FADS3: variants seen among roughly 807,000 people sequenced by gnomAD.
FADS3 encodes the protein cytochrome b5-related protein.
FADS3 carries 30 observed loss-of-function variants against 60.4 expected under a neutral mutation model. The ratio of observed to expected loss-of-function variants is 0.50; its 90% CI spans 0.37 to 0.67. The LOEUF (loss-of-function observed/expected upper bound fraction) is 0.67. Ranked by LOEUF, FADS3 falls within the 30% of genes least tolerant of loss-of-function variation. FADS3 has a pLI of 0.00. For synonymous variants in FADS3, 234 were observed against 249.3 expected (o/e 0.94, Z 0.58); for missense variants, 432 against 598.3 (o/e 0.72, Z 2.90).
intron 1 of FADS3, among the ~76,000 whole-genome samples, chr11:61,889,151 C>T (rs1938410038): frequency 6.6e-6 from 1 of 152,000 alleles, no homozygotes; most frequent in Admixed American, 6.5e-5. Context: ...CCCACCTCAG[C>T]CTCCCAAAGT....
At chr11:61,878,924 C>T in intron 3 of FADS3, 77 bp from the exon 4 acceptor site, 1 of 1,210,612 alleles carries the variant, frequency 8.3e-7, no homozygotes, top group South Asian at 1.3e-5. Flanking sequence ...TGAATCCTTT[C>T]AGCTTGCAGG....
Position 61,877,108 on chromosome 11 carries a change from T to G in FADS3, c.886-145A>C. On this transcript the variant is annotated intron_variant, in intron 7 of 11. Coordinates refer to ENST00000278829, the MANE Select transcript of FADS3 (RefSeq NM_021727.5). This position sits in a 1 kb window ranked among gnomAD's most constrained non-coding sequence, Gnocchi z 4.7. ...CAGGACAGGCCACCACCCTCTCTGG[T>G]TTTCTCAGCTGAGTAAAGGAACAGG... 4 of 593,650 alleles carry G rather than the reference T, an allele frequency of 6.7e-6. No homozygotes were observed. The highest frequency in any genetic ancestry group is 1.2e-5 in the Non-Finnish European group (4 of 337,374). 36.8% of individuals were successfully genotyped at this position (593,650 alleles called of 1,614,324 possible).
chr11:61,889,223 T>C (rs1938412527), intron 1 of FADS3, among the ~76,000 whole-genome samples: 1 of 152,172 alleles, frequency 6.6e-6, no homozygotes, highest in South Asian at 2.1e-4. Flanking sequence ...CAGATATTAT[T>C]GGCTGCGAAT....
chr11:61,886,464 C>T (rs1938321970), intron 1 of FADS3: 1 of 152,282 alleles, frequency 6.6e-6, no homozygotes, highest in African/African-American at 2.4e-5. Context: ...AGAGCAGTCA[C>T]ACTTCATGGG....
chr11:61,886,298 C>G (rs1039224061), intron 1 of FADS3: 8 of 152,202 alleles, frequency 5.3e-5, no homozygotes, highest in African/African-American at 1.7e-4. Flanking sequence ...ATCAGAAACC[C>G]GCAGGAAGAG....
Position 61,877,823 on chromosome 11 carries a change from C to T in FADS3, c.809-236G>A. The T allele has an allele frequency of 1.7e-6, 1 of 597,512 alleles. No individual in the cohort carries two copies. The highest frequency in any genetic ancestry group is 2.0e-5 in the South Asian group (1 of 50,440). 37.0% of individuals were successfully genotyped at this position (597,512 alleles called of 1,614,324 possible). A position where few individuals can be genotyped will look rare whatever the true frequency, so the allele number is the denominator to read the frequency against. Reference sequence around the variant, plus strand: ...AGTCAGGGCCAGACTTGAGTCCTCACTCTGTCCGCCCCAACAACTGCCCAA... The same window carrying T: ...AGTCAGGGCCAGACTTGAGTCCTCATTCTGTCCGCCCCAACAACTGCCCAA... On this transcript the variant is annotated intron_variant, in intron 6 of 11. Transcript: ENST00000278829. The surrounding 1 kb of genome is among the most constrained non-coding windows in gnomAD (Gnocchi z 4.7).
chr11:61,891,313 GA>G lies in FADS3; in HGVS notation c.68del (p.Phe23SerfsTer70). ...PAQPGAPLPT[F>X]CWEQIRAHDQ... is the part of the protein sequence containing the mutation. ...CGTGCGCGCGGATCTGCTCCCAGCAGAAGGTGGGCAGCGGCGCCCCCGGCTG... is the reference window on the plus strand; with the variant it reads ...CGTGCGCGCGGATCTGCTCCCAGCAGAGGTGGGCAGCGGCGCCCCCGGCTG... On this transcript the variant is annotated frameshift_variant, in exon 1 of 12. Coordinates refer to ENST00000278829, the MANE Select transcript of FADS3 (RefSeq NM_021727.5). LOFTEE classifies it high-confidence loss of function. 6.6e-7 allele frequency: 1 copy of G among 1,526,444 alleles called. No homozygotes were observed. Among genetic ancestry groups the G allele is most frequent in the Non-Finnish European group, 8.8e-7 (1 of 1,140,768 alleles). 94.6% of individuals were successfully genotyped at this position (1,526,444 alleles called of 1,614,324 possible).
intron 3 of FADS3, 62 bp downstream of exon 3, chr11:61,879,250 G>T: frequency 7.1e-7 from 1 of 1,417,186 alleles, no homozygotes; most frequent in Non-Finnish European, 9.7e-7. Flanking sequence ...ACAATGCCCA[G>T]ATGCATGGGG....
chr11:61,876,682 C>T lies in FADS3; in HGVS notation c.983+184G>A. 1 of 675,104 alleles carries T rather than the reference C, an allele frequency of 1.5e-6. No homozygotes were observed. Among genetic ancestry groups the T allele is most frequent in the Non-Finnish European group, 2.6e-6 (1 of 381,942 alleles). 41.8% of individuals were successfully genotyped at this position (675,104 alleles called of 1,614,324 possible). On this transcript the variant is annotated intron_variant, in intron 8 of 11. Transcript: ENST00000278829. This position sits in a 1 kb window ranked among gnomAD's most constrained non-coding sequence, Gnocchi z 5.7. ...CCCACCGGGCCACTTACAAGCCAGG[C>T]CACGCTCCCTAAACCCACCGACCCT...
intron 1 of FADS3, among the ~76,000 whole-genome samples, chr11:61,883,354 C>G (rs1000895943): frequency 3.9e-5 from 6 of 152,198 alleles, no homozygotes; most frequent in African/African-American, 1.4e-4. Context: ...CCTTAAGGTC[C>G]ATCCATGTTG....
rs191385221 is a variant in FADS3, at chr11:61,878,857, G to C, written c.523-10C>G. ...GACACCAGGACTGAGCCTGGGGAGA[G>C]AGGCAGGGTCAGAAGCTGTTGGGAA... On this transcript the variant is annotated splice_polypyrimidine_tract_variant and intron_variant, in intron 3 of 11. Transcript: ENST00000278829. 9.5e-5 allele frequency: 153 copies of C among 1,612,940 alleles called. 1 individual carries two copies. In the African/African-American group the frequency reaches 1.6e-3, roughly 16 times the overall value.
rs1351087061 is a variant in FADS3 at position 61,891,404 on chromosome 11, A to T, written c.-23T>A. 5.7e-6 allele frequency: 8 copies of T among 1,393,608 alleles called. No individual in the cohort carries two copies. The highest frequency in any genetic ancestry group is 7.4e-6 in the Non-Finnish European group (8 of 1,077,800). The allele number at this position is 1,393,608 out of a possible 1,614,324, so 86.3% of individuals were successfully genotyped here. A position where few individuals can be genotyped will look rare whatever the true frequency, so the allele number is the denominator to read the frequency against. ...CATGCTGCACGCACGAGTCCTGGGGATCCCAGGCGGTGGCCGAGGTCCGAG... is the reference window on the plus strand; with the variant it reads ...CATGCTGCACGCACGAGTCCTGGGGTTCCCAGGCGGTGGCCGAGGTCCGAG... On this transcript the variant is annotated 5_prime_UTR_variant, in exon 1 of 12. Transcript: ENST00000278829.
Position 61,876,805 on chromosome 11 carries a change from TG to T in FADS3, c.983+60del. On this transcript the variant is annotated intron_variant, in intron 8 of 11. Transcript: ENST00000278829. This position sits in a 1 kb window ranked among gnomAD's most constrained non-coding sequence, Gnocchi z 5.7. ...GCAGACGGGAAAAGGGAAGCTCTGG[TG>T]GGGGGCTGCAGTGGGGGTCACCTGT... 2 of 1,292,402 alleles carry T rather than the reference TG, an allele frequency of 1.5e-6. No homozygotes were observed. Among genetic ancestry groups the T allele is most frequent in the Non-Finnish European group, 1.1e-6 (1 of 909,622 alleles). The allele number at this position is 1,292,402 out of a possible 1,614,324, so 80.1% of individuals were successfully genotyped here.
At chr11:61,887,051 A>G (rs778656218) in intron 1 of FADS3, among the ~76,000 whole-genome samples, 5 of 152,258 alleles carry the variant, frequency 3.3e-5, no homozygotes, top group Admixed American at 6.5e-5. Context: ...CACCACACCC[A>G]TGAATAGAGC....
At chr11:61,879,581 C>A (rs570632722) in intron 2 of FADS3, 72 bp from the exon 3 acceptor site, 11 of 1,432,796 alleles carry the variant, frequency 7.7e-6, no homozygotes, top group Non-Finnish European at 1.0e-5. Context: ...GAGCCCCAGC[C>A]GCTCCTCCCA....
chr11:61,889,476 C>A (rs1938422733), intron 1 of FADS3, among the ~76,000 whole-genome samples: 1 of 151,522 alleles, frequency 6.6e-6, no homozygotes, highest in South Asian at 2.1e-4. Flanking sequence ...ATGGTGAAAC[C>A]CCGTCTCTAC....
At chr11:61,879,081 T>C (rs746069330) in intron 3 of FADS3, among the ~76,000 whole-genome samples, 8 of 152,212 alleles carry the variant, frequency 5.3e-5, no homozygotes, top group Non-Finnish European at 1.0e-4. Context: ...GGCCCTGTGC[T>C]TGATCGGAAT....
In FADS3 at chr11:61,891,196, G is replaced by A. The variant is rs1198296180; in HGVS notation, c.186C>T (p.Ile62=). ...TGGCGTCCTCAGCGCCGTGGTGGCC[G>A]ATGAGGCGGCTGCCCCCTGGGTGCC... ...AQRHPGGSRL[I]GHHGAEDATD... is the part of the protein sequence containing the mutation. Residue 62 remains isoleucine (I), a synonymous_variant, in exon 1 of 12, where the codon ATC becomes ATT. Coordinates refer to ENST00000278829, the MANE Select transcript of FADS3 (RefSeq NM_021727.5). 1.3e-6 allele frequency: 2 copies of A among 1,563,194 alleles called. No homozygotes were observed. The highest frequency in any genetic ancestry group is 8.7e-7 in the Non-Finnish European group (1 of 1,154,158).
At chr11:61,884,670 G>A (rs1348566864) in intron 1 of FADS3, among the ~76,000 whole-genome samples, 1 of 152,078 alleles carries the variant, frequency 6.6e-6, no homozygotes, top group African/African-American at 2.4e-5. Context: ...GGAGCCTCAG[G>A]GAACTGTGGG....
Sources: allele counts gnomAD v4.1 joint callset (sites outside exome capture counted in the v4.1 genomes callset), GRCh38; gene constraint gnomAD v4.1.1; non-coding constraint Gnocchi (gnomAD v3.1); transcripts MANE v1.5; gene names NCBI Gene and HGNC (gene_info 2026-07-23, HGNC 2026-07-21).